GALNT7: variants seen among roughly 807,000 people sequenced by gnomAD.
GALNT7 encodes the protein N-acetylgalactosaminyltransferase 7.
GALNT7 carries 60 observed loss-of-function variants against 82.1 expected under a neutral mutation model. The ratio of observed to expected loss-of-function variants is 0.73; its 90% CI spans 0.59 to 0.91. GALNT7 has a LOEUF of 0.91. Among genes scored for constraint, GALNT7 ranks in the 40% least tolerant of loss-of-function variants. GALNT7 has a pLI of 0.00. For synonymous variants in GALNT7, 243 were observed against 275.1 expected, an observed-to-expected ratio of 0.88 and a Z score of 1.15; for missense variants, 660 against 804.2, an observed-to-expected ratio of 0.82 and a Z score of 2.17.
intron 2 of GALNT7, among the ~76,000 whole-genome samples, chr4:173,273,509 A>G (rs531059552): frequency 6.6e-6 from 1 of 152,292 alleles, no homozygotes; most frequent in Admixed American, 6.5e-5. Context: ...CTTCTGAACA[A>G]CTGGTTTGTT....
At chr4:173,304,261 T>C (rs1737063665) in intron 8 of GALNT7, 143 bp downstream of exon 8, 1 of 617,470 alleles carries the variant, frequency 1.6e-6, no homozygotes, top group African/African-American at 1.9e-5. Context: ...GCTAGACTTA[T>C]TCACGAAATA....
chr4:173,231,661 TA>T (rs1160625437), intron 1 of GALNT7, among the ~76,000 whole-genome samples: 3 of 152,206 alleles, frequency 2.0e-5, no homozygotes, highest in Admixed American at 2.0e-4. Flanking sequence ...TTTTATTTTT[TA>T]AAATCAAAAA....
intron 2 of GALNT7, among the ~76,000 whole-genome samples, chr4:173,254,950 A>G (rs1439982365): frequency 1.3e-5 from 2 of 152,192 alleles, no homozygotes; most frequent in Non-Finnish European, 2.9e-5. Flanking sequence ...TTTCTTCTTC[A>G]CACACATATA....
intron 1 of GALNT7, among the ~76,000 whole-genome samples, chr4:173,189,081 T>C (rs923318759): frequency 1.3e-5 from 2 of 152,194 alleles, no homozygotes; most frequent in Non-Finnish European, 2.9e-5. Flanking sequence ...ATCCTCAAAC[T>C]TGAGGTGCTC....
intron 1 of GALNT7, among the ~76,000 whole-genome samples, chr4:173,179,879 GT>G (rs1178689774): frequency 1.3e-5 from 2 of 152,190 alleles, no homozygotes; most frequent in Non-Finnish European, 2.9e-5. Context: ...TTCTCTAGAA[GT>G]TCTTGTCAGT....
chr4:173,314,165 G>T lies in GALNT7; in HGVS notation c.1597G>T (p.Asp533Tyr). 6.2e-7 allele frequency: 1 copy of T among 1,601,978 alleles called. No homozygotes were observed. The highest frequency in any genetic ancestry group is 1.1e-5 in the South Asian group (1 of 90,800). ...SHYPLPPKNV[D>Y]WGEIRGFETA... Reference sequence around the variant, plus strand: ...CTACCCTTTGCCACCCAAAAATGTTGACTGGGGAGAAGTAAGTAGTCACAT... The same window carrying T: ...CTACCCTTTGCCACCCAAAAATGTTTACTGGGGAGAAGTAAGTAGTCACAT... The change falls in exon 9 of 12, where the codon GAC becomes TAC. Residue 533 changes from aspartate (D) to tyrosine (Y), a missense_variant. Coordinates refer to ENST00000265000, the MANE Select transcript of GALNT7 (RefSeq NM_017423.3).
At chr4:173,189,994 G>GT (rs60870608) in intron 1 of GALNT7, among the ~76,000 whole-genome samples, 1,945 of 145,936 alleles carry the variant, frequency 0.013, 21 homozygotes, top group African/African-American at 0.035. Context: ...CAAAATGTTA[G>GT]TTTTTTTTTT....
At chr4:173,202,640 A>G (rs2877749) in intron 1 of GALNT7, among the ~76,000 whole-genome samples, 145,100 of 152,298 alleles carry the variant, frequency 0.95, 69,369 homozygotes, top group Non-Finnish European at 1. Flanking sequence ...TGACCTGGCC[A>G]TTTACAGCAT....
chr4:173,205,029 C>A (rs1209561876), intron 1 of GALNT7, among the ~76,000 whole-genome samples: 1 of 152,212 alleles, frequency 6.6e-6, no homozygotes, highest in Non-Finnish European at 1.5e-5. Context: ...GGTCCTCTGG[C>A]AGACTTACTA....
chr4:173,174,803 A>C (rs1455260033), intron 1 of GALNT7, among the ~76,000 whole-genome samples: 1 of 152,218 alleles, frequency 6.6e-6, no homozygotes, highest in East Asian at 1.9e-4. Flanking sequence ...GTAGGTGGAG[A>C]AGGCTTAAAA....
chr4:173,239,430 C>T (rs998320661), intron 1 of GALNT7, among the ~76,000 whole-genome samples: 1 of 152,194 alleles, frequency 6.6e-6, no homozygotes, highest in Non-Finnish European at 1.5e-5. Context: ...ATAAATAATA[C>T]ACAGTATCTG....
intron 1 of GALNT7, among the ~76,000 whole-genome samples, chr4:173,184,381 G>T (rs930910096): frequency 6.6e-6 from 1 of 152,028 alleles, no homozygotes; most frequent in Non-Finnish European, 1.5e-5. Flanking sequence ...CAGATCACTC[G>T]CGGTCAGGAG....
At chr4:173,281,546 C>T (rs925374533) in intron 2 of GALNT7, among the ~76,000 whole-genome samples, 1 of 152,166 alleles carries the variant, frequency 6.6e-6, no homozygotes, top group African/African-American at 2.4e-5. Flanking sequence ...CATGTGGAAA[C>T]GTCTGGGCTC....
At chr4:173,231,353 A>G (rs1339506753) in intron 1 of GALNT7, among the ~76,000 whole-genome samples, 1 of 152,168 alleles carries the variant, frequency 6.6e-6, no homozygotes, top group Non-Finnish European at 1.5e-5. Flanking sequence ...GCATGTTTTA[A>G]AGGCCCCTCG....
At chr4:173,276,841 A>G (rs1450655729) in intron 2 of GALNT7, among the ~76,000 whole-genome samples, 1 of 152,096 alleles carries the variant, frequency 6.6e-6, no homozygotes. Context: ...TTCAAACAGT[A>G]TTTTATGTAT....
intron 8 of GALNT7, among the ~76,000 whole-genome samples, chr4:173,305,712 G>A (rs1737132129): frequency 6.6e-6 from 1 of 152,064 alleles, no homozygotes; most frequent in African/African-American, 2.4e-5. Flanking sequence ...CCATAAATGC[G>A]TGGATTATTT....
intron 1 of GALNT7, among the ~76,000 whole-genome samples, chr4:173,238,656 C>T (rs192748668): frequency 1.3e-5 from 2 of 152,000 alleles, no homozygotes; most frequent in Admixed American, 1.3e-4. Context: ...TTTTCAAGTT[C>T]AGTTCAAATC....
intron 2 of GALNT7, among the ~76,000 whole-genome samples, chr4:173,260,016 T>A (rs946660528): frequency 2.0e-5 from 3 of 152,234 alleles, no homozygotes; most frequent in Non-Finnish European, 4.4e-5. Context: ...AAAATATCAA[T>A]CATGCTTATT....
intron 2 of GALNT7, among the ~76,000 whole-genome samples, chr4:173,272,094 A>C (rs1052901859): frequency 6.6e-6 from 1 of 152,166 alleles, no homozygotes; most frequent in Non-Finnish European, 1.5e-5. Context: ...AGGATTAATA[A>C]CTGGTTCCTT....
Sources: allele counts gnomAD v4.1 joint callset (sites outside exome capture counted in the v4.1 genomes callset), GRCh38; gene constraint gnomAD v4.1.1; transcripts MANE v1.5; gene names NCBI Gene and HGNC (gene_info 2026-07-23, HGNC 2026-07-21).